RNF220: variants seen among roughly 807,000 people sequenced by gnomAD.
RNF220 encodes the protein ring finger protein 220.
RNF220 carries 7 observed loss-of-function variants against 67.1 expected under a neutral mutation model. The observed-to-expected ratio is 0.10, with a 90% CI of 0.06 to 0.20. The LOEUF (loss-of-function observed/expected upper bound fraction) is 0.20. Among genes scored for constraint, RNF220 ranks in the 10% least tolerant of loss-of-function variants. RNF220 has a pLI of 1.00. For synonymous variants in RNF220, 270 were observed against 283.2 expected, an observed-to-expected ratio of 0.95 and a Z score of 0.47; for missense variants, 565 against 740.3, an observed-to-expected ratio of 0.76 and a Z score of 2.75.
intron 2 of RNF220, among the ~76,000 whole-genome samples, chr1:44,469,673 C>T (rs1338865606): frequency 6.6e-6 from 1 of 152,236 alleles, no homozygotes; most frequent in Non-Finnish European, 1.5e-5. Context: ...GCAACTGTAG[C>T]AGGCACTGTG....
Position 44,412,779 on chromosome 1 carries a change from T to C in RNF220, c.625+57T>C, listed in dbSNP as rs2147807074. 2 of 1,560,314 alleles carry C rather than the reference T, an allele frequency of 1.3e-6. No homozygotes were observed. Among genetic ancestry groups the C allele is most frequent in the East Asian group, 4.5e-5 (2 of 44,466 alleles). On this transcript the variant is annotated intron_variant, in intron 2 of 14. Coordinates refer to ENST00000361799, the MANE Select transcript of RNF220 (RefSeq NM_018150.4). The surrounding 1 kb of genome is among the most constrained non-coding windows in gnomAD (Gnocchi z 5.3). ...CCCAGTAAGCCCTGCCTCACCGTGA[T>C]GTTCAACAGGTCGGTGGCGTTTTGC... is the stretch of plus-strand genomic sequence containing the variant.
At chr1:44,435,082 C>T (rs1456047820) in intron 2 of RNF220, among the ~76,000 whole-genome samples, 1 of 150,632 alleles carries the variant, frequency 6.6e-6, no homozygotes, top group Non-Finnish European at 1.5e-5. Context: ...TTGAAATATC[C>T]ACAGTACTTT....
At chr1:44,534,307 A>G (rs1001970806) in intron 2 of RNF220, among the ~76,000 whole-genome samples, 1 of 150,458 alleles carries the variant, frequency 6.6e-6, no homozygotes, top group Non-Finnish European at 1.5e-5. Context: ...TTACATTTCT[A>G]TTATTATTAT....
intron 2 of RNF220, among the ~76,000 whole-genome samples, chr1:44,553,825 C>T (rs1662861075): frequency 6.6e-6 from 1 of 152,152 alleles, no homozygotes; most frequent in South Asian, 2.1e-4. Context: ...AGGTGAAGTA[C>T]TTCAGAGCTA....
intron 2 of RNF220, among the ~76,000 whole-genome samples, chr1:44,605,801 T>C (rs1476040177): frequency 6.6e-6 from 1 of 152,170 alleles, no homozygotes; most frequent in Non-Finnish European, 1.5e-5. Context: ...TCCTATCCTT[T>C]TTGGTTGTTT....
At chr1:44,524,020 C>T (rs999018540) in intron 2 of RNF220, among the ~76,000 whole-genome samples, 2 of 152,048 alleles carry the variant, frequency 1.3e-5, no homozygotes, top group African/African-American at 4.8e-5. Context: ...AGCGATGGGT[C>T]CTAGCTTCAG....
At chr1:44,632,505 C>A in intron 6 of RNF220, 120 bp downstream of exon 6, 1 of 979,848 alleles carries the variant, frequency 1.0e-6, no homozygotes, top group Non-Finnish European at 1.6e-6. Context: ...GGCTTCTTCG[C>A]AGTCACGGCG....
intron 2 of RNF220, among the ~76,000 whole-genome samples, chr1:44,424,429 G>A (rs939093744): frequency 2.6e-5 from 4 of 152,064 alleles, no homozygotes; most frequent in Non-Finnish European, 5.9e-5. Flanking sequence ...TATTCAGCAA[G>A]TAGCCATCCT....
intron 12 of RNF220, among the ~76,000 whole-genome samples, chr1:44,646,668 A>G (rs753331726): frequency 6.6e-6 from 1 of 152,220 alleles, no homozygotes; most frequent in Admixed American, 6.5e-5. Context: ...AGGTGGGGGC[A>G]GAGCCAGTGG....
At position 44,621,255 on chromosome 1, in the gene RNF220, T is replaced by C. The variant is rs1643783099; in HGVS notation, c.759-1487T>C. The stretch of plus-strand genomic sequence containing the variant: ...ATGGACATGTGTCTGGGAATATGCC[T>C]CTGTGGCCCTGTGCATCTGTATGCG... On this transcript the variant is annotated intron_variant, in intron 3 of 14. Coordinates refer to ENST00000361799, the MANE Select transcript of RNF220 (RefSeq NM_018150.4). The surrounding 1 kb of genome is among the most constrained non-coding windows in gnomAD (Gnocchi z 4.8). 6.6e-6 allele frequency among the ~76,000 whole-genome samples: 1 copy of C among 152,202 alleles called. No individual in the cohort carries two copies. The highest frequency in any genetic ancestry group is 2.1e-4 in the South Asian group (1 of 4,830).
chr1:44,544,539 G>A (rs758006113), intron 2 of RNF220, among the ~76,000 whole-genome samples: 2 of 152,160 alleles, frequency 1.3e-5, no homozygotes, highest in Non-Finnish European at 2.9e-5. Context: ...ATTGCTCTGG[G>A]GCTAGCCAAC....
chr1:44,619,046 A>T (rs921531809), intron 3 of RNF220, among the ~76,000 whole-genome samples: 1 of 147,742 alleles, frequency 6.8e-6, no homozygotes, highest in African/African-American at 2.5e-5. Context: ...GTGGAGAGAC[A>T]GGCAGGGACA....
intron 2 of RNF220, among the ~76,000 whole-genome samples, chr1:44,583,215 G>GATATATATATATATATATATATAT (rs35343175): frequency 2.9e-4 from 43 of 149,034 alleles, no homozygotes; most frequent in African/African-American, 9.6e-4. Flanking sequence ...TCCAGAAGCA[G>GATATATATATATATATATATATAT]ATATATATAT....
At chr1:44,475,568 CAAAAAAAA>C (rs35917344) in intron 2 of RNF220, among the ~76,000 whole-genome samples, 1 of 70,982 alleles carries the variant, frequency 1.4e-5, no homozygotes, top group South Asian at 5.2e-4. Flanking sequence ...GACTCGGTCT[CAAAAAAAA>C]AAAAAAAAAA....
At chr1:44,511,378 G>A (rs1179051181) in intron 2 of RNF220, among the ~76,000 whole-genome samples, 3 of 152,170 alleles carry the variant, frequency 2.0e-5, no homozygotes, top group African/African-American at 7.2e-5. Flanking sequence ...GCAATATATT[G>A]AGGGTGAGGG....
chr1:44,464,196 T>G (rs535693920), intron 2 of RNF220, among the ~76,000 whole-genome samples: 1 of 152,292 alleles, frequency 6.6e-6, no homozygotes, highest in East Asian at 1.9e-4. Context: ...GATGGATGTA[T>G]ATTTCTTGAG....
At chr1:44,535,023 C>A (rs931522918) in intron 2 of RNF220, among the ~76,000 whole-genome samples, 2 of 151,988 alleles carry the variant, frequency 1.3e-5, no homozygotes, top group Non-Finnish European at 1.5e-5. Flanking sequence ...TGCTAATCTC[C>A]GTAGGAGGAG....
intron 2 of RNF220, among the ~76,000 whole-genome samples, chr1:44,471,903 CT>C (rs1654847640): frequency 6.6e-6 from 1 of 152,188 alleles, no homozygotes; most frequent in Non-Finnish European, 1.5e-5. Context: ...CTGGCAACCA[CT>C]AATCTGCTTA....
At chr1:44,451,468 A>G (rs1652678075) in intron 2 of RNF220, among the ~76,000 whole-genome samples, 2 of 151,984 alleles carry the variant, frequency 1.3e-5, no homozygotes. Flanking sequence ...AGATTGTCTT[A>G]TTCTTTTTAG....
Sources: gnomAD v4.1 joint callset for allele counts (sites outside exome capture counted in the v4.1 genomes callset) on GRCh38, gnomAD v4.1.1 for gene constraint, Gnocchi (gnomAD v3.1) non-coding constraint, MANE v1.5 for transcripts, NCBI Gene and HGNC (gene_info 2026-07-23, HGNC 2026-07-21) for gene names.